The following FBXO10 variants were observed in gnomAD, a reference collection of about 807,000 sequenced individuals.
The protein encoded by FBXO10 is F-box only protein 10.
In FBXO10, 39 loss-of-function variants were observed where a neutral mutation model predicts 80.7. The ratio of observed to expected loss-of-function variants is 0.48; its 90% CI spans 0.37 to 0.63. The LOEUF is 0.63. Among genes scored for constraint, FBXO10 ranks in the 30% least tolerant of loss-of-function variants. The pLI is 0.00. For synonymous variants in FBXO10, 449 were observed against 489.6 expected, an observed-to-expected ratio of 0.92 and a Z score of 1.09; for missense variants, 1,025 against 1,269.0, an observed-to-expected ratio of 0.81 and a Z score of 2.92.
intron 1 of FBXO10, among the ~76,000 whole-genome samples, chr9:37,564,291 T>C (rs563393014): frequency 6.6e-6 from 1 of 152,354 alleles, no homozygotes; most frequent in African/African-American, 2.4e-5. Flanking sequence ...AGGAAGAAGT[T>C]TGCTGCAGGG....
At chr9:37,539,939 T>C (rs1821869620) in intron 2 of FBXO10, among the ~76,000 whole-genome samples, 1 of 152,200 alleles carries the variant, frequency 6.6e-6, no homozygotes, top group Non-Finnish European at 1.5e-5. Flanking sequence ...AGATTATGAA[T>C]AGACTTTGGA....
rs1438675915 is a variant in FBXO10 at position 37,518,408 on chromosome 9, G to A, written c.2231C>T (p.Ala744Val). Residue 744 changes from alanine (A) to valine (V), a missense_variant, in exon 9 of 11, where the codon GCA (alanine) becomes GTA (valine). Around this residue, in one of 3 missense-constraint regions of FBXO10, gnomAD observed 478 missense variants for 667.8 expected, o/e 0.72. Coordinates refer to ENST00000432825, the MANE Select transcript of FBXO10 (RefSeq NM_012166.3). The stretch of plus-strand genomic sequence containing the variant: ...GATCACATTGGTGATGACATGCAGT[G>A]CCTCGCTGCTCTGGACATAGAGTCC... ...ASGLYVQSSE[A>V]LHVITNVIHA... is the part of the protein sequence containing the mutation. 9.9e-6 allele frequency: 16 copies of A among 1,609,642 alleles called. No individual in the cohort carries two copies. Among genetic ancestry groups the A allele is most frequent in the Non-Finnish European group, 1.4e-5 (16 of 1,177,300 alleles).
At chr9:37,529,304 T>A in intron 4 of FBXO10, 44 bp from the exon 5 acceptor site, 1 of 1,573,086 alleles carries the variant, frequency 6.4e-7, no homozygotes, top group Non-Finnish European at 8.6e-7. Context: ...ATCAGACACG[T>A]CAGCGAAGCA....
Position 37,511,109 on chromosome 9 carries a change from C to T in FBXO10, c.*1438G>A, listed in dbSNP as rs1316089633. On this transcript the variant is annotated 3_prime_UTR_variant, in exon 11 of 11. Coordinates refer to ENST00000432825, the MANE Select transcript of FBXO10 (RefSeq NM_012166.3). ...GGGAGAACCCAGTGCTCCTGGCTCCCTCTACCCCCTCCCATCCCACCCAAC... is the reference window on the plus strand; with the variant it reads ...GGGAGAACCCAGTGCTCCTGGCTCCTTCTACCCCCTCCCATCCCACCCAAC... 3 of 152,776 alleles carry T rather than the reference C, an allele frequency of 2.0e-5. No individual in the cohort carries two copies. The East Asian group carries it at 5.8e-4, about 29-fold the overall frequency. The allele number at this position is 152,776 out of a possible 1,614,324, so 9.5% of individuals were successfully genotyped here.
intron 1 of FBXO10, among the ~76,000 whole-genome samples, chr9:37,564,289 G>A (rs1362844935): frequency 6.6e-6 from 1 of 152,256 alleles, no homozygotes; most frequent in Non-Finnish European, 1.5e-5. Context: ...CCAGGAAGAA[G>A]TTTGCTGCAG....
At chr9:37,553,186 C>T (rs1014418277) in intron 1 of FBXO10, among the ~76,000 whole-genome samples, 1 of 152,052 alleles carries the variant, frequency 6.6e-6, no homozygotes, top group Non-Finnish European at 1.5e-5. Context: ...GGACTACAGG[C>T]ACGCGCCACC....
At chr9:37,558,235 T>A (rs1388648704) in intron 1 of FBXO10, among the ~76,000 whole-genome samples, 1 of 152,220 alleles carries the variant, frequency 6.6e-6, no homozygotes. Context: ...ACCTTCCAGG[T>A]GAGAGGCTTC....
intron 2 of FBXO10, among the ~76,000 whole-genome samples, chr9:37,540,890 C>T (rs192703570): frequency 1.3e-5 from 2 of 152,312 alleles, no homozygotes; most frequent in Admixed American, 6.5e-5. Context: ...GCTTTCCCGC[C>T]GCTGCTAGAC....
intron 1 of FBXO10, among the ~76,000 whole-genome samples, chr9:37,558,787 T>C (rs1822399583): frequency 6.6e-6 from 1 of 151,820 alleles, no homozygotes; most frequent in South Asian, 2.1e-4. Context: ...CTACTGCAGC[T>C]TATAGAGATC....
intron 2 of FBXO10, among the ~76,000 whole-genome samples, chr9:37,538,411 TA>T (rs1821829446): frequency 6.6e-6 from 1 of 152,110 alleles, no homozygotes; most frequent in Non-Finnish European, 1.5e-5. Flanking sequence ...GAACAGTGGT[TA>T]AAAGCATGGG....
chr9:37,549,696 T>C (rs955951065), intron 1 of FBXO10, among the ~76,000 whole-genome samples: 11 of 152,216 alleles, frequency 7.2e-5, no homozygotes, highest in African/African-American at 2.7e-4. Flanking sequence ...GAGTTTCTCA[T>C]GGTCTCAATT....
chr9:37,517,979 T>C, intron 9 of FBXO10, 146 bp downstream of exon 9: 1 of 873,610 alleles, frequency 1.1e-6, no homozygotes, highest in East Asian at 2.7e-5. Context: ...CCACCCACAT[T>C]TCCCAGGCTG....
In FBXO10 at chr9:37,522,907, A is replaced by G; in HGVS notation, c.1848T>C (p.Ser616=). ...IRRGGIPVLR[S]NLICFGYSDG... The stretch of plus-strand genomic sequence containing the variant: ...CTGAATAGCCAAAGCAGATGAGGTT[A>G]CTCCTGAGAACGGGGATCCCTCCAC... Residue 616 remains serine, a synonymous_variant, in exon 7 of 11, where the codon AGT becomes AGC. Coordinates refer to ENST00000432825, the MANE Select transcript of FBXO10 (RefSeq NM_012166.3). 6.3e-7 allele frequency: 1 copy of G among 1,576,942 alleles called. No individual in the cohort carries two copies. Among genetic ancestry groups the G allele is most frequent in the Non-Finnish European group, 8.6e-7 (1 of 1,161,432 alleles).
intron 8 of FBXO10, among the ~76,000 whole-genome samples, chr9:37,520,915 T>C (rs1456502293): frequency 1.3e-5 from 2 of 152,106 alleles, no homozygotes; most frequent in Non-Finnish European, 2.9e-5. Flanking sequence ...TCAGTGTTGA[T>C]GAAACAGCCA....
chr9:37,549,527 T>C (rs1467833119), intron 1 of FBXO10, among the ~76,000 whole-genome samples: 1 of 152,242 alleles, frequency 6.6e-6, no homozygotes, highest in Non-Finnish European at 1.5e-5. Flanking sequence ...CATTTCTTTA[T>C]GGTTTTATCA....
At position 37,518,377 on chromosome 9, in the gene FBXO10, C is replaced by T. The variant is rs114814730; in HGVS notation, c.2262G>A (p.Ala754=). 1.5e-3 allele frequency: 2,347 copies of T among 1,613,730 alleles called. 29 individuals are homozygous for T. In the African/African-American group the frequency reaches 0.027, roughly 18 times the overall value. Residue 754 remains alanine, a synonymous_variant, in exon 9 of 11, where the codon GCG becomes GCA. Coordinates refer to ENST00000432825, the MANE Select transcript of FBXO10 (RefSeq NM_012166.3). ...ALHVITNVIH[A]NGDRGITVAQ... ...CCACAGTAATGCCTCTGTCCCCATT[C>T]GCGTGGATCACATTGGTGATGACAT...
chr9:37,521,307 T>C (rs562666945), intron 8 of FBXO10, among the ~76,000 whole-genome samples: 5 of 148,570 alleles, frequency 3.4e-5, no homozygotes, highest in African/African-American at 1.3e-4. Flanking sequence ...GCCCCCACGC[T>C]GTCTGGGAAG....
At chr9:37,554,877 T>C (rs574981419) in intron 1 of FBXO10, among the ~76,000 whole-genome samples, 6 of 152,342 alleles carry the variant, frequency 3.9e-5, no homozygotes, top group Admixed American at 3.9e-4. Flanking sequence ...TTTGGGGCTA[T>C]TATGGATAAT....
At chr9:37,574,218 A>G (rs1822834611) in intron 1 of FBXO10, among the ~76,000 whole-genome samples, 1 of 152,076 alleles carries the variant, frequency 6.6e-6, no homozygotes, top group Non-Finnish European at 1.5e-5. Context: ...GTATGTTTTT[A>G]TCTATTTCTA....
Sources: gnomAD v4.1 joint callset for allele counts (sites outside exome capture counted in the v4.1 genomes callset) on GRCh38, gnomAD v4.1.1 for gene constraint, gnomAD v4.1.1 regional missense constraint, MANE v1.5 for transcripts, NCBI Gene and HGNC (gene_info 2026-07-23, HGNC 2026-07-21) for gene names.